SNTG1: variants seen among roughly 807,000 people sequenced by gnomAD.
SNTG1 encodes gamma-1-syntrophin.
SNTG1 carries 39 observed loss-of-function variants against 74.7 expected under a neutral mutation model. The ratio of observed to expected loss-of-function variants is 0.52; its 90% confidence interval spans 0.40 to 0.68. SNTG1 has a LOEUF of 0.68. SNTG1 is among the 30% of genes least tolerant of loss of function. SNTG1 has a pLI of 0.00. For synonymous variants in SNTG1, 254 were observed against 217.1 expected (o/e 1.17, Z -1.49); for missense variants, 685 against 609.5 (o/e 1.12, Z -1.30).
rs185211664 is a variant in SNTG1, at chr8:50,167,636, A to G, written c.-102-4925A>G. On this transcript the variant is annotated intron_variant, in intron 1 of 18. Coordinates refer to ENST00000642720, the MANE Select transcript of SNTG1 (RefSeq NM_018967.5). ...ACAGAACAAAACCTCATCGCTACGAAAAAAAAAAAAAATACAAAATACAAA... is the reference window on the plus strand; with the variant it reads ...ACAGAACAAAACCTCATCGCTACGAGAAAAAAAAAAAATACAAAATACAAA... 5.5e-5 allele frequency among the ~76,000 whole-genome samples: 8 copies of G among 145,120 alleles called. No individual in the cohort carries two copies. In the East Asian group the frequency reaches 6.0e-4, roughly 11 times the overall value.
intron 1 of SNTG1, among the ~76,000 whole-genome samples, chr8:50,083,490 G>A (rs1822595353): frequency 6.6e-6 from 1 of 152,042 alleles, no homozygotes; most frequent in African/African-American, 2.4e-5. Flanking sequence ...ATTAAAGAAA[G>A]GGCTTCTAGT....
chr8:50,325,567 A>G (rs754424953), intron 2 of SNTG1, among the ~76,000 whole-genome samples: 7 of 152,090 alleles, frequency 4.6e-5, no homozygotes, highest in Non-Finnish European at 8.8e-5. Flanking sequence ...TTAACTTCAT[A>G]TCCTGCAAGC....
chr8:50,213,382 A>T (rs1319202760), intron 2 of SNTG1, among the ~76,000 whole-genome samples: 1 of 152,208 alleles, frequency 6.6e-6, no homozygotes, highest in African/African-American at 2.4e-5. Context: ...TGACTTAAAA[A>T]GTATGTAGGC....
chr8:50,402,461 A>G, intron 4 of SNTG1, 117 bp downstream of exon 4: 2 of 1,274,366 alleles, frequency 1.6e-6, no homozygotes, highest in Non-Finnish European at 2.1e-6. Context: ...ATGGTTCTGC[A>G]TGGAATTTTT....
At chr8:50,250,589 G>A (rs1001190040) in intron 2 of SNTG1, among the ~76,000 whole-genome samples, 32 of 151,996 alleles carry the variant, frequency 2.1e-4, no homozygotes, top group Non-Finnish European at 4.0e-4. Context: ...TACATATAGG[G>A]GAATTTCCAT....
Position 49,988,526 on chromosome 8 carries a change from GAAAAAT to G in SNTG1, c.-103+76297_-103+76302del, listed in dbSNP as rs557004446. Among the ~76,000 whole-genome samples, 386 of 152,232 alleles carry G rather than the reference GAAAAAT, an allele frequency of 2.5e-3. 2 individuals carry two copies. The highest frequency in any genetic ancestry group is 8.8e-3 in the African/African-American group (364 of 41,562). On this transcript the variant is annotated intron_variant, in intron 1 of 18. Transcript: ENST00000642720. ...AAAAAGCACAATCAATAATTGAAAT[GAAAAAT>G]ACACTACATGAATTCATCAGTAGGT... is the stretch of plus-strand genomic sequence containing the variant.
chr8:50,759,160 G>A (rs1158030053), intron 18 of SNTG1, among the ~76,000 whole-genome samples: 1 of 151,826 alleles, frequency 6.6e-6, no homozygotes, highest in African/African-American at 2.4e-5. Flanking sequence ...GGGGTTGTTT[G>A]TTTTTTTCTC....
At chr8:50,559,722 A>G (rs2094476058) in intron 12 of SNTG1, among the ~76,000 whole-genome samples, 1 of 152,188 alleles carries the variant, frequency 6.6e-6, no homozygotes. Flanking sequence ...TACAAAAATT[A>G]ACTCAAGATG....
intron 8 of SNTG1, among the ~76,000 whole-genome samples, chr8:50,484,764 CAG>C (rs35503286): frequency 0.06 from 9,111 of 151,026 alleles, 823 homozygotes; most frequent in African/African-American, 0.2. Context: ...GAGGCTGAGA[CAG>C]GGGAATCGCT....
At chr8:50,413,777 G>A (rs2092980608) in intron 4 of SNTG1, among the ~76,000 whole-genome samples, 1 of 152,034 alleles carries the variant, frequency 6.6e-6, no homozygotes, top group Non-Finnish European at 1.5e-5. Context: ...GCCCTCTGTG[G>A]ACTCTAAAGG....
chr8:50,537,611 A>G (rs2094317236), intron 11 of SNTG1, among the ~76,000 whole-genome samples: 1 of 151,976 alleles, frequency 6.6e-6, no homozygotes, highest in East Asian at 1.9e-4. Context: ...TTGTATGTAT[A>G]CTTTATGAGT....
At chr8:50,153,290 C>G (rs2082135372) in intron 1 of SNTG1, among the ~76,000 whole-genome samples, 1 of 152,146 alleles carries the variant, frequency 6.6e-6, no homozygotes, top group South Asian at 2.1e-4. Flanking sequence ...ACTGGTTATT[C>G]TAGTTAGCCA....
At chr8:49,955,582 A>G (rs1037941932) in intron 1 of SNTG1, among the ~76,000 whole-genome samples, 1 of 152,226 alleles carries the variant, frequency 6.6e-6, no homozygotes, top group African/African-American at 2.4e-5. Flanking sequence ...ATTGGCTCTT[A>G]CCAGGAACTT....
intron 2 of SNTG1, among the ~76,000 whole-genome samples, chr8:50,328,374 G>GTT (rs113575406): frequency 2.0e-5 from 3 of 151,920 alleles, no homozygotes; most frequent in Non-Finnish European, 4.4e-5. Context: ...TGGTGTATTA[G>GTT]TTTTTTTTGA....
chr8:50,426,299 T>TA (rs1370904444), intron 4 of SNTG1, among the ~76,000 whole-genome samples: 1 of 152,178 alleles, frequency 6.6e-6, no homozygotes, highest in Non-Finnish European at 1.5e-5. Flanking sequence ...GCAATAATGA[T>TA]ATTTGGTCAA....
At chr8:50,508,173 G>T (rs920905056) in intron 9 of SNTG1, among the ~76,000 whole-genome samples, 3 of 152,072 alleles carry the variant, frequency 2.0e-5, no homozygotes, top group Non-Finnish European at 2.9e-5. Context: ...GCAGTGTTTG[G>T]TTTTTTGTCC....
chr8:50,195,087 C>T (rs1371127240), intron 2 of SNTG1, among the ~76,000 whole-genome samples: 2 of 152,050 alleles, frequency 1.3e-5, no homozygotes, highest in Non-Finnish European at 2.9e-5. Context: ...GCATCACTGA[C>T]CTCAGTCTCT....
At chr8:49,974,633 G>C (rs1358989725) in intron 1 of SNTG1, among the ~76,000 whole-genome samples, 1 of 151,912 alleles carries the variant, frequency 6.6e-6, no homozygotes, top group African/African-American at 2.4e-5. Flanking sequence ...TATAGGCTGT[G>C]TGACTTTGTG....
At chr8:50,790,843 C>T (rs2095688803) in intron 18 of SNTG1, among the ~76,000 whole-genome samples, 1 of 151,742 alleles carries the variant, frequency 6.6e-6, no homozygotes, top group Admixed American at 6.6e-5. Flanking sequence ...TGCCTGGATA[C>T]TTAGATATTT....
Sources: gnomAD v4.1 joint callset for allele counts (sites outside exome capture counted in the v4.1 genomes callset) on GRCh38, gnomAD v4.1.1 for gene constraint, MANE v1.5 for transcripts, NCBI Gene and HGNC (gene_info 2026-07-23, HGNC 2026-07-21) for gene names.